Variants in ALPK3 observed in about 807,000 individuals in gnomAD.
ALPK3 encodes the protein alpha-protein kinase 3.
In ALPK3, 102 loss-of-function variants were observed where a neutral mutation model predicts 140.0. The observed-to-expected ratio is 0.73, with a 90% CI of 0.62 to 0.86. The LOEUF is 0.86. ALPK3 is among the 40% of genes least tolerant of loss of function. The pLI, the probability that ALPK3 is intolerant of heterozygous loss-of-function variation, is 0.00. For missense variants in ALPK3, 2,254 were observed against 2,208.2 expected (o/e 1.02, Z -0.42); for synonymous variants, 938 against 898.5 (o/e 1.04, Z -0.79).
chr15:84,839,742 C>A lies in ALPK3; in HGVS notation c.463C>A (p.Gln155Lys), dbSNP rs1316134526. The part of the protein sequence containing the change: ...EDAAIYQASA[Q>K]NSKGIVSCSG... Reference sequence around the variant, plus strand: ...TGCCGCCATCTACCAGGCCTCTGCCCAGAACAGCAAGGGCATTGTGTCCTG... The same window carrying A: ...TGCCGCCATCTACCAGGCCTCTGCCAAGAACAGCAAGGGCATTGTGTCCTG... Residue 155 changes from glutamine to lysine, a missense_variant, in exon 5 of 14, where the codon CAG (glutamine) becomes AAG (lysine). Coordinates refer to ENST00000258888, the MANE Select transcript of ALPK3 (RefSeq NM_020778.5). 1.2e-6 allele frequency: 2 copies of A among 1,613,764 alleles called. No homozygotes were observed. The highest frequency in any genetic ancestry group is 4.5e-5 in the East Asian group (2 of 44,860).
chr15:84,840,619 A>G lies in ALPK3; in HGVS notation c.1340A>G (p.Lys447Arg). Residue 447 changes from lysine to arginine, a missense_variant, in exon 5 of 14, where the codon AAG becomes AGG. Physicochemically the swap from Lys to Arg is conservative, Grantham distance 26. This residue lies in a region of ALPK3 where 2,088 missense variants were observed against 2,022.9 expected (regional missense o/e 1.03). Coordinates refer to ENST00000258888, the MANE Select transcript of ALPK3 (RefSeq NM_020778.5). ...LSVRAPGESP[K>R]GKAPLRARSE... is the part of the protein sequence containing the mutation. ...GTCCGGGCGCCTGGGGAGAGTCCCA[A>G]GGGGAAGGCACCCCTCAGGGCTAGA... is the stretch of plus-strand genomic sequence containing the variant. The G allele has an allele frequency of 6.4e-7, 1 of 1,559,094 alleles. No individual in the cohort carries two copies. The highest frequency in any genetic ancestry group is 8.7e-7 in the Non-Finnish European group (1 of 1,155,702).
At chr15:84,842,559 C>T (rs1444358349) in intron 5 of ALPK3, among the ~76,000 whole-genome samples, 1 of 151,896 alleles carries the variant, frequency 6.6e-6, no homozygotes, top group South Asian at 2.1e-4. Context: ...TGATACAGCA[C>T]CTGGCAGAGG....
chr15:84,859,411 C>G, intron 7 of ALPK3, 21 bp downstream of exon 7: 1 of 1,613,198 alleles, frequency 6.2e-7, no homozygotes, highest in Non-Finnish European at 8.5e-7. Context: ...GACACCACTG[C>G]CACCTGACCT....
chr15:84,866,340 C>G, intron 12 of ALPK3, among the ~76,000 whole-genome samples: 1 of 152,188 alleles, frequency 6.6e-6, no homozygotes, highest in East Asian at 1.9e-4. Flanking sequence ...GTAAGATGGT[C>G]ATTACTATCC....
chr15:84,817,573 C>T lies in ALPK3; in HGVS notation c.121C>T (p.Leu41Phe). 6.7e-7 allele frequency: 1 copy of T among 1,503,158 alleles called. No homozygotes were observed. Among genetic ancestry groups the T allele is most frequent in the Non-Finnish European group, 8.8e-7 (1 of 1,131,634 alleles). The allele number at this position is 1,503,158 out of a possible 1,614,324, so 93.1% of individuals were successfully genotyped here. A position where few individuals can be genotyped will look rare whatever the true frequency, so the allele number is the denominator to read the frequency against. Reference protein sequence around the residue: ...IPSPASRSYLLSVRPETSLSS... With the variant: ...IPSPASRSYLFSVRPETSLSS... ...CAGCCCAGCCAGCCGGAGCTACCTG[C>T]TCAGCGTGCGGCCCGAGACCAGGTA... Residue 41 changes from leucine (L) to phenylalanine (F), a missense_variant, in exon 1 of 14, where the codon CTC becomes TTC. Coordinates refer to ENST00000258888, the MANE Select transcript of ALPK3 (RefSeq NM_020778.5).
At chr15:84,827,998 G>C (rs1236092308) in intron 3 of ALPK3, among the ~76,000 whole-genome samples, 1 of 152,220 alleles carries the variant, frequency 6.6e-6, no homozygotes, top group African/African-American at 2.4e-5. Context: ...AAGCCTGAGA[G>C]GAGAATTGCA....
intron 1 of ALPK3, among the ~76,000 whole-genome samples, chr15:84,819,422 G>A (rs1345017400): frequency 1.3e-5 from 2 of 152,218 alleles, no homozygotes; most frequent in South Asian, 2.1e-4. Flanking sequence ...GGTTCTGAGA[G>A]ACAAGGACAG....
intron 2 of ALPK3, among the ~76,000 whole-genome samples, chr15:84,826,603 G>C (rs1167135377): frequency 2.0e-5 from 3 of 152,178 alleles, no homozygotes; most frequent in African/African-American, 7.2e-5. Context: ...GGAAGGAGAA[G>C]ACTGTAAGCC....
Position 84,817,609 on chromosome 15 carries a change from AG to A in ALPK3, c.143+18del. On this transcript the variant is annotated intron_variant, in intron 1 of 13. Transcript: ENST00000258888. ...GCCCGAGACCAGGTAAGTGGCACCA[AG>A]GGGCAGGGCGGCGTCGGGCCGGCGA... The A allele has an allele frequency of 1.3e-6, 2 of 1,489,626 alleles. No individual in the cohort carries two copies. Among genetic ancestry groups the A allele is most frequent in the Non-Finnish European group, 1.8e-6 (2 of 1,124,988 alleles). The allele number at this position is 1,489,626 out of a possible 1,614,324, so 92.3% of individuals were successfully genotyped here. A position where few individuals can be genotyped will look rare whatever the true frequency, so the allele number is the denominator to read the frequency against.
At chr15:84,854,769 GTGT>G in intron 5 of ALPK3, among the ~76,000 whole-genome samples, 1 of 152,316 alleles carries the variant, frequency 6.6e-6, no homozygotes, top group Non-Finnish European at 1.5e-5. Flanking sequence ...CGTGCTGGCT[GTGT>G]TGTTTCTGTA....
Position 84,856,211 on chromosome 15 carries a change from G to A in ALPK3, c.1654-181G>A, listed in dbSNP as rs540106871. 5.9e-5 allele frequency among the ~76,000 whole-genome samples: 9 copies of A among 152,322 alleles called. No homozygotes were observed. In the South Asian group the frequency reaches 1.7e-3, roughly 28 times the overall value. ...GAGATTAGGGTGAGTGGGCATGGAT[G>A]GGGCTTTGGGCATTTGTCACATGTC... is the stretch of plus-strand genomic sequence containing the variant. On this transcript the variant is annotated intron_variant, in intron 5 of 13. Transcript: ENST00000258888.
intron 5 of ALPK3, among the ~76,000 whole-genome samples, chr15:84,847,791 G>A (rs1275597522): frequency 1.3e-5 from 2 of 152,242 alleles, no homozygotes; most frequent in East Asian, 1.9e-4. Context: ...GGGAGCTGTG[G>A]CTCACGCCTG....
intron 1 of ALPK3, among the ~76,000 whole-genome samples, chr15:84,820,001 C>T (rs1035479450): frequency 3.3e-5 from 5 of 152,218 alleles, no homozygotes; most frequent in African/African-American, 1.2e-4. Flanking sequence ...TCAGAGGTCT[C>T]ACATGCAGAT....
At chr15:84,818,567 C>T (rs1406270391) in intron 1 of ALPK3, among the ~76,000 whole-genome samples, 1 of 152,208 alleles carries the variant, frequency 6.6e-6, no homozygotes, top group African/African-American at 2.4e-5. Context: ...GGCCATTCCT[C>T]CAAGAGGCTG....
intron 5 of ALPK3, among the ~76,000 whole-genome samples, chr15:84,855,840 A>G (rs1000191158): frequency 6.6e-6 from 1 of 152,248 alleles, no homozygotes; most frequent in African/African-American, 2.4e-5. Flanking sequence ...ATTTCCTGGC[A>G]TAGATGCCAT....
chr15:84,842,582 G>A (rs527399713), intron 5 of ALPK3, among the ~76,000 whole-genome samples: 2 of 152,312 alleles, frequency 1.3e-5, no homozygotes, highest in African/African-American at 4.8e-5. Context: ...AAAGGGGAAA[G>A]GATGCTTTGT....
intron 8 of ALPK3, 23 bp downstream of exon 8, chr15:84,859,926 G>T (rs1292124869): frequency 1.9e-6 from 3 of 1,613,870 alleles, no homozygotes; most frequent in Admixed American, 1.7e-5. Flanking sequence ...CGCGGCCCGG[G>T]GTCTCAGCCT....
At position 84,864,485 on chromosome 15, in the gene ALPK3, C is replaced by T. The variant is rs193022517; in HGVS notation, c.4543C>T (p.Pro1515Ser). 6.2e-7 allele frequency: 1 copy of T among 1,614,134 alleles called. No homozygotes were observed. Among genetic ancestry groups the T allele is most frequent in the East Asian group, 2.2e-5 (1 of 44,880 alleles). The change falls in exon 12 of 14, where the codon CCA (proline) becomes TCA (serine). Residue 1515 changes from proline to serine, a missense_variant. Coordinates refer to ENST00000258888, the MANE Select transcript of ALPK3 (RefSeq NM_020778.5). ...GATCTACCGGCCTGCAAACAATATC[C>T]CATATGCTACCCTGGAGGAAGACCT... ...YLIYRPANNI[P>S]YATLEEDLGK...
rs114375065 is a variant in ALPK3, at chr15:84,830,501, G to A, written c.304+2896G>A. 2.7e-3 allele frequency among the ~76,000 whole-genome samples: 407 copies of A among 152,278 alleles called. 3 individuals are homozygous for A. The highest frequency in any genetic ancestry group is 9.4e-3 in the African/African-American group (389 of 41,548). ...AGTCCCTCTGGTCTAATGTGCCTTCGTTTCTCTGCATCTGGTACACAGTTA... is the reference window on the plus strand; with the variant it reads ...AGTCCCTCTGGTCTAATGTGCCTTCATTTCTCTGCATCTGGTACACAGTTA... On this transcript the variant is annotated intron_variant, in intron 3 of 13. Transcript: ENST00000258888.
Sources: gnomAD v4.1 joint callset for allele counts (sites outside exome capture counted in the v4.1 genomes callset) on GRCh38, gnomAD v4.1.1 for gene constraint, gnomAD v4.1.1 regional missense constraint, MANE v1.5 for transcripts, NCBI Gene and HGNC (gene_info 2026-07-23, HGNC 2026-07-21) for gene names.